CUL5: variants seen among roughly 807,000 people sequenced by gnomAD.
CUL5 encodes the protein cullin 5.
In CUL5, 26 loss-of-function variants were observed where a neutral mutation model predicts 108.8. The observed-to-expected ratio is 0.24, with a 90% CI of 0.18 to 0.33. The LOEUF (loss-of-function observed/expected upper bound fraction) is 0.33, where lower values mean the gene tolerates loss of function less well. CUL5 is among the 10% of genes least tolerant of loss of function. The pLI is 1.00. For missense variants in CUL5, 524 were observed against 909.2 expected (o/e 0.58, Z 5.45); for synonymous variants, 334 against 298.0 (o/e 1.12, Z -1.25).
chr11:108,034,926 C>G (rs757432547), intron 2 of CUL5, among the ~76,000 whole-genome samples: 2 of 152,052 alleles, frequency 1.3e-5, no homozygotes, highest in Non-Finnish European at 1.5e-5. Context: ...TCAAAATGGG[C>G]TTATGTTATC....
chr11:108,062,071 G>A (rs1863550326), intron 7 of CUL5, among the ~76,000 whole-genome samples: 1 of 152,110 alleles, frequency 6.6e-6, no homozygotes, highest in Admixed American at 6.5e-5. Flanking sequence ...ATTTGGCTGG[G>A]GATACAGAGC....
intron 1 of CUL5, among the ~76,000 whole-genome samples, chr11:108,016,065 G>A (rs1456362965): frequency 1.3e-5 from 2 of 151,966 alleles, no homozygotes; most frequent in African/African-American, 4.8e-5. Context: ...GAGACTACAG[G>A]CACATACCAC....
At chr11:108,023,870 T>G (rs1862389259) in intron 1 of CUL5, among the ~76,000 whole-genome samples, 1 of 152,264 alleles carries the variant, frequency 6.6e-6, no homozygotes, top group Non-Finnish European at 1.5e-5. Flanking sequence ...GAGTGTGGTA[T>G]GAAATTTTTT....
intron 1 of CUL5, among the ~76,000 whole-genome samples, chr11:108,024,769 C>A (rs1001889621): frequency 9.2e-5 from 14 of 152,062 alleles, no homozygotes; most frequent in African/African-American, 3.4e-4. Context: ...AGTGAAATGC[C>A]ATATATTTGC....
intron 5 of CUL5, 72 bp from the exon 6 acceptor site, chr11:108,054,575 T>C: frequency 9.4e-7 from 1 of 1,068,092 alleles, no homozygotes; most frequent in Non-Finnish European, 1.3e-6. Flanking sequence ...CCTCAATATT[T>C]ATTTCATTTA....
chr11:108,021,469 C>T (rs1287015671), intron 1 of CUL5, among the ~76,000 whole-genome samples: 2 of 151,986 alleles, frequency 1.3e-5, no homozygotes, highest in African/African-American at 4.8e-5. Flanking sequence ...TTCTTTGTTT[C>T]CTTGTATTAT....
intron 18 of CUL5, among the ~76,000 whole-genome samples, chr11:108,101,026 T>TA (rs1197994566): frequency 1.1e-4 from 17 of 151,460 alleles, no homozygotes; most frequent in East Asian, 5.8e-4. Context: ...AGACTCCATC[T>TA]AAAAAAAAAG....
chr11:108,087,171 A>G (rs892251261), intron 11 of CUL5, among the ~76,000 whole-genome samples: 2 of 152,166 alleles, frequency 1.3e-5, no homozygotes, highest in African/African-American at 4.8e-5. Context: ...AAGACTTCTC[A>G]GGGCAAAGAC....
chr11:108,076,768 T>A (rs1222148501), intron 10 of CUL5, among the ~76,000 whole-genome samples: 1 of 152,172 alleles, frequency 6.6e-6, no homozygotes, highest in Non-Finnish European at 1.5e-5. Context: ...ATTATGAAGA[T>A]AGACTATTCA....
chr11:108,025,024 T>A (rs111730771), intron 1 of CUL5, among the ~76,000 whole-genome samples: 2,172 of 152,326 alleles, frequency 0.014, 25 homozygotes, highest in Admixed American at 0.026. Context: ...ATCTGTGGTT[T>A]ATAGTTTTTA....
chr11:108,037,485 T>TA (rs1368578817), intron 2 of CUL5, among the ~76,000 whole-genome samples: 4 of 152,172 alleles, frequency 2.6e-5, no homozygotes, highest in African/African-American at 9.7e-5. Context: ...TATGAATTAT[T>TA]ACAGTGAAGG....
At chr11:108,065,002 TATTTC>T (rs1477422263) in intron 7 of CUL5, among the ~76,000 whole-genome samples, 1 of 151,902 alleles carries the variant, frequency 6.6e-6, no homozygotes, top group Non-Finnish European at 1.5e-5. Context: ...GGAGAAATTT[TATTTC>T]ATTTTATTTA....
intron 7 of CUL5, among the ~76,000 whole-genome samples, chr11:108,056,425 C>T (rs767705560): frequency 1.3e-5 from 2 of 152,136 alleles, no homozygotes; most frequent in African/African-American, 2.4e-5. Flanking sequence ...TCAGAAATCA[C>T]ACCGAGTTGG....
chr11:108,092,964 A>G (rs938118680), intron 13 of CUL5, among the ~76,000 whole-genome samples: 21 of 152,036 alleles, frequency 1.4e-4, no homozygotes, highest in African/African-American at 4.6e-4. Context: ...TTACAGGCGC[A>G]TGCCACCATG....
intron 4 of CUL5, among the ~76,000 whole-genome samples, chr11:108,051,027 T>C (rs1463143243): frequency 6.6e-6 from 1 of 152,198 alleles, no homozygotes; most frequent in East Asian, 1.9e-4. Context: ...CTTTAGTCAA[T>C]TTACTGTTTA....
At chr11:108,052,575 T>A (rs1390839967) in intron 4 of CUL5, 85 bp from the exon 5 acceptor site, 1 of 1,307,830 alleles carries the variant, frequency 7.6e-7, no homozygotes, top group Non-Finnish European at 1.1e-6. Context: ...GCCTACAAAT[T>A]TGATTTCCTT....
intron 13 of CUL5, 110 bp downstream of exon 13, chr11:108,089,733 T>G: frequency 3.1e-6 from 2 of 641,582 alleles, no homozygotes; most frequent in South Asian, 6.1e-5. Flanking sequence ...GTAGGAAACA[T>G]TTTATAAGAA....
intron 7 of CUL5, among the ~76,000 whole-genome samples, chr11:108,067,998 G>T (rs900139340): frequency 6.6e-6 from 1 of 151,480 alleles, no homozygotes; most frequent in Non-Finnish European, 1.5e-5. Context: ...GCACGATCTC[G>T]GCTCACTGCA....
At chr11:108,054,538 A>T in intron 5 of CUL5, 109 bp from the exon 6 acceptor site, 1 of 697,952 alleles carries the variant, frequency 1.4e-6, no homozygotes, top group East Asian at 2.8e-5. Flanking sequence ...TGTTCTCTTG[A>T]GCATTGTTAC....
Sources: gnomAD v4.1 joint callset for allele counts (sites outside exome capture counted in the v4.1 genomes callset) on GRCh38, gnomAD v4.1.1 for gene constraint, MANE v1.5 for transcripts, NCBI Gene and HGNC (gene_info 2026-07-23, HGNC 2026-07-21) for gene names.